Variants in LYST observed in about 807,000 individuals in gnomAD.
LYST encodes lysosomal trafficking regulator.
Under a neutral mutation model 413.6 loss-of-function variants are expected in LYST, and 192 were observed. That is an observed-to-expected ratio of 0.46 (90% confidence interval 0.41 to 0.52). The LOEUF (loss-of-function observed/expected upper bound fraction) is 0.52, where lower values mean the gene tolerates loss of function less well. Ranked by LOEUF, LYST falls within the 20% of genes least tolerant of loss-of-function variation. The pLI, the probability that LYST is intolerant of heterozygous loss-of-function variation, is 0.00. For synonymous variants in LYST, 1,525 were observed against 1,567.3 expected (o/e 0.97, Z 0.64); for missense variants, 3,815 against 4,499.9 (o/e 0.85, Z 4.35).
At chr1:235,776,560 A>G (rs187904837) in intron 17 of LYST, among the ~76,000 whole-genome samples, 29 of 152,266 alleles carry the variant, frequency 1.9e-4, no homozygotes, top group Non-Finnish European at 2.9e-5. Flanking sequence ...GAAATAGTCT[A>G]TAATTACTGA....
At chr1:235,845,028 G>A (rs896842468) in intron 1 of LYST, among the ~76,000 whole-genome samples, 1 of 152,092 alleles carries the variant, frequency 6.6e-6, no homozygotes, top group Non-Finnish European at 1.5e-5. Context: ...AGCAGCATGT[G>A]GTGGCTTGCA....
rs1673348702 is a variant in LYST at position 235,810,503 on chromosome 1, GATT to G, written c.312_314del (p.Ile105del). 3.1e-6 allele frequency: 5 copies of G among 1,612,666 alleles called. No individual in the cohort carries two copies. The highest frequency in any genetic ancestry group is 4.2e-6 in the Non-Finnish European group (5 of 1,179,806). ...AACTTGAGTTCTTTTCTTTGGTCAG[GATT>G]ATATCTGCTGAGAGCGGTAGGTTAA... On this transcript the variant is annotated inframe_deletion, in exon 5 of 53. Coordinates refer to ENST00000389793, the MANE Select transcript of LYST (RefSeq NM_000081.4).
chr1:235,842,753 A>C (rs758086501), intron 1 of LYST, among the ~76,000 whole-genome samples: 4 of 152,232 alleles, frequency 2.6e-5, no homozygotes, highest in African/African-American at 4.8e-5. Flanking sequence ...CACTAAAGTC[A>C]GTCAACAGTG....
intron 1 of LYST, among the ~76,000 whole-genome samples, chr1:235,844,216 A>G (rs1458547990): frequency 6.6e-6 from 1 of 152,226 alleles, no homozygotes; most frequent in African/African-American, 2.4e-5. Context: ...TTTCTCAAAG[A>G]TCTCATATAG....
rs1668530348 is a variant in LYST, at chr1:235,770,182, A to G, written c.5900T>C (p.Leu1967Pro). The change falls in exon 20 of 53, where the codon CTA (leucine) becomes CCA (proline). Residue 1967 changes from leucine to proline, a missense_variant. Around this residue, in one of 4 missense-constraint regions of LYST, gnomAD observed 530 missense variants for 696.5 expected, o/e 0.76. Transcript: ENST00000389793. ...LLKAQVVHHF[L>P]LTCQVLQEYK... ...TACCTGCAAAACCTGACAAGTCAGTAGAAAGTGATGAACCACTTGAGCTTT... is the reference window on the plus strand; with the variant it reads ...TACCTGCAAAACCTGACAAGTCAGTGGAAAGTGATGAACCACTTGAGCTTT... 6.2e-7 allele frequency: 1 copy of G among 1,613,474 alleles called. No individual in the cohort carries two copies.
intron 31 of LYST, chr1:235,738,338 G>A: frequency 3.7e-6 from 6 of 1,612,048 alleles, no homozygotes; most frequent in East Asian, 2.2e-5. Flanking sequence ...CCAGTGTAAT[G>A]TGAACATCTT....
chr1:235,739,315 A>G (rs1422677815), intron 31 of LYST, among the ~76,000 whole-genome samples: 2 of 152,230 alleles, frequency 1.3e-5, no homozygotes, highest in Non-Finnish European at 2.9e-5. Flanking sequence ...CACATGCTGC[A>G]GTTGGCCCTT....
chr1:235,670,505 G>C (rs1405262051), intron 50 of LYST, among the ~76,000 whole-genome samples: 1 of 152,172 alleles, frequency 6.6e-6, no homozygotes, highest in Non-Finnish European at 1.5e-5. Context: ...ATCATCTCTT[G>C]TGAGGAGACG....
rs1404390951 is a variant in LYST at position 235,845,833 on chromosome 1, G to A, written c.-97-12166C>T. Among the ~76,000 whole-genome samples, 5 of 151,972 alleles carry A rather than the reference G, an allele frequency of 3.3e-5. No individual in the cohort carries two copies. In the East Asian group the frequency reaches 5.8e-4, roughly 18 times the overall value. On this transcript the variant is annotated intron_variant, in intron 1 of 52. Transcript: ENST00000389793. ...CAATTCCCCACAGCAGCCCCAGCAC[G>A]ACCCAACCAAGGAGCTGCTGAGCTC...
chr1:235,863,596 T>C (rs1680156926), intron 1 of LYST, among the ~76,000 whole-genome samples: 2 of 151,842 alleles, frequency 1.3e-5, no homozygotes, highest in South Asian at 4.2e-4. Context: ...TGGCTCTCTC[T>C]ACAACCGAAG....
rs748108980 is a variant in LYST at position 235,709,126 on chromosome 1, C to A, written c.10108G>T (p.Ala3370Ser). 1.9e-6 allele frequency: 3 copies of A among 1,614,080 alleles called. No homozygotes were observed. Among genetic ancestry groups the A allele is most frequent in the Non-Finnish European group, 2.5e-6 (3 of 1,179,986 alleles). ...AAAACATTGATCGCTTGAACAGAAG[C>A]CTTCCCCTTTTGCTTATACCCAAAC... ...LVFGYKQKGK[A>S]SVQAINVFHP... Residue 3370 changes from alanine to serine, a missense_variant, in exon 44 of 53, where the codon GCT becomes TCT. By Grantham distance (99) the Ala-to-Ser change is moderately conservative. Coordinates refer to ENST00000389793, the MANE Select transcript of LYST (RefSeq NM_000081.4).
intron 52 of LYST, among the ~76,000 whole-genome samples, chr1:235,663,743 A>G (rs1266407436): frequency 2.0e-5 from 3 of 152,224 alleles, no homozygotes; most frequent in Non-Finnish European, 4.4e-5. Context: ...CCAGAGACAC[A>G]CTACAAGCAT....
intron 50 of LYST, among the ~76,000 whole-genome samples, chr1:235,671,050 T>C (rs1571961607): frequency 6.6e-6 from 1 of 152,194 alleles, no homozygotes; most frequent in African/African-American, 2.4e-5. Flanking sequence ...GGAGCTAGTA[T>C]TTAAACTATT....
At chr1:235,676,718 T>A (rs1399033709) in intron 50 of LYST, among the ~76,000 whole-genome samples, 1 of 152,186 alleles carries the variant, frequency 6.6e-6, no homozygotes, top group Non-Finnish European at 1.5e-5. Context: ...AAAATTTTGT[T>A]CTTTCACAGG....
chr1:235,752,267 T>C, intron 26 of LYST, 96 bp from the exon 27 acceptor site: 1 of 906,106 alleles, frequency 1.1e-6, no homozygotes. Flanking sequence ...TTTAAATTCC[T>C]GTTCGACCAG....
chr1:235,731,278 C>T (rs1664356041), intron 34 of LYST, 101 bp from the exon 35 acceptor site: 3 of 993,794 alleles, frequency 3.0e-6, no homozygotes, highest in Non-Finnish European at 4.8e-6. Context: ...CACAACTGAT[C>T]TGTTAATTTA....
rs1673207725 is a variant in LYST, at chr1:235,809,372, A to G, written c.1446T>C (p.Thr482=). The G allele has an allele frequency of 1.9e-6, 3 of 1,613,984 alleles. No individual in the cohort carries two copies. Among genetic ancestry groups the G allele is most frequent in the Non-Finnish European group, 2.5e-6 (3 of 1,179,988 alleles). Residue 482 remains threonine, a synonymous_variant, in exon 5 of 53, where the codon ACT becomes ACC. Coordinates refer to ENST00000389793, the MANE Select transcript of LYST (RefSeq NM_000081.4). This position sits in a 1 kb window ranked among gnomAD's most constrained non-coding sequence, Gnocchi z 4.0. ...LINSVMKIMS[T]VKKVKSEQLH... ...GTTGCTCTGATTTCACTTTTTTGAC[A>G]GTGCTCATTATTTTCATCACACTAT...
chr1:235,749,257 T>C (rs1036772025), intron 28 of LYST, among the ~76,000 whole-genome samples: 7 of 152,152 alleles, frequency 4.6e-5, no homozygotes, highest in African/African-American at 1.4e-4. Flanking sequence ...TTTTAAGTAA[T>C]AGTGGAGAAA....
At chr1:235,709,012 G>T in intron 44 of LYST, 79 bp downstream of exon 44, 1 of 1,291,442 alleles carries the variant, frequency 7.7e-7, no homozygotes, top group Non-Finnish European at 1.1e-6. Flanking sequence ...GTGTTTTAAA[G>T]GAATGGCCGA....
Sources: gnomAD v4.1 joint callset for allele counts (sites outside exome capture counted in the v4.1 genomes callset) on GRCh38, gnomAD v4.1.1 for gene constraint, gnomAD v4.1.1 regional missense constraint, Gnocchi (gnomAD v3.1) non-coding constraint, MANE v1.5 for transcripts, NCBI Gene and HGNC (gene_info 2026-07-23, HGNC 2026-07-21) for gene names.